LRRC4C: variants seen among roughly 807,000 people sequenced by gnomAD.
LRRC4C encodes the protein leucine-rich repeat-containing protein 4C.
LRRC4C carries 5 observed loss-of-function variants against 33.6 expected under a neutral mutation model. The observed-to-expected ratio is 0.15, with a 90% CI of 0.08 to 0.31. LRRC4C has a LOEUF of 0.31. Ranked by LOEUF, LRRC4C falls within the 10% of genes least tolerant of loss-of-function variation. LRRC4C has a pLI of 1.00. For missense variants in LRRC4C, 560 were observed against 796.7 expected (o/e 0.70, Z 3.58); for synonymous variants, 329 against 302.0 (o/e 1.09, Z -0.93).
chr11:41,023,102 C>A (rs1440223193), intron 1 of LRRC4C, among the ~76,000 whole-genome samples: 3 of 151,822 alleles, frequency 2.0e-5, no homozygotes, highest in Non-Finnish European at 2.9e-5. Flanking sequence ...AATAGAAGGA[C>A]ATAAGAGAAC....
intron 1 of LRRC4C, among the ~76,000 whole-genome samples, chr11:41,254,206 C>T (rs1948729022): frequency 6.6e-6 from 1 of 151,946 alleles, no homozygotes; most frequent in Non-Finnish European, 1.5e-5. Flanking sequence ...GCATGGGAGG[C>T]ATTTTACTTA....
At chr11:41,222,363 C>T (rs1947345858) in intron 1 of LRRC4C, among the ~76,000 whole-genome samples, 1 of 152,148 alleles carries the variant, frequency 6.6e-6, no homozygotes, top group South Asian at 2.1e-4. Flanking sequence ...GACACTTCCT[C>T]TCCCCCAAAG....
chr11:41,444,676 C>T (rs916078980), intron 1 of LRRC4C, among the ~76,000 whole-genome samples: 1 of 151,940 alleles, frequency 6.6e-6, no homozygotes, highest in Non-Finnish European at 1.5e-5. Context: ...AAGTCATTGG[C>T]TACATAATAA....
chr11:40,679,720 C>A (rs1016842962), intron 2 of LRRC4C, among the ~76,000 whole-genome samples: 1 of 152,202 alleles, frequency 6.6e-6, no homozygotes, highest in African/African-American at 2.4e-5. Flanking sequence ...GAACCTCTGA[C>A]TAGATCTCAG....
At chr11:40,373,941 T>A (rs1331576885) in intron 3 of LRRC4C, among the ~76,000 whole-genome samples, 1 of 152,096 alleles carries the variant, frequency 6.6e-6, no homozygotes, top group Non-Finnish European at 1.5e-5. Flanking sequence ...ATATCCAACC[T>A]CAGATATTTC....
intron 2 of LRRC4C, among the ~76,000 whole-genome samples, chr11:40,687,424 C>T (rs1945015319): frequency 6.6e-6 from 1 of 152,022 alleles, no homozygotes; most frequent in Non-Finnish European, 1.5e-5. Flanking sequence ...ATAGATCGAT[C>T]CTCTTTTCAA....
intron 6 of LRRC4C, among the ~76,000 whole-genome samples, chr11:40,134,646 T>G (rs1039953136): frequency 6.6e-6 from 1 of 152,220 alleles, no homozygotes; most frequent in African/African-American, 2.4e-5. Context: ...AATGATGGCC[T>G]GGGTTAGGCT....
At chr11:40,444,105 C>T (rs773678929) in intron 3 of LRRC4C, among the ~76,000 whole-genome samples, 64 of 151,982 alleles carry the variant, frequency 4.2e-4, no homozygotes, top group Non-Finnish European at 7.9e-4. Context: ...TTGAGTGTGC[C>T]GTGCAGTGTT....
At chr11:40,514,403 G>A (rs1365170419) in intron 3 of LRRC4C, among the ~76,000 whole-genome samples, 1 of 152,076 alleles carries the variant, frequency 6.6e-6, no homozygotes, top group East Asian at 1.9e-4. Context: ...ATGGCCTTGA[G>A]CAAGTTATTT....
intron 1 of LRRC4C, among the ~76,000 whole-genome samples, chr11:41,051,077 C>G (rs1456857072): frequency 6.6e-6 from 1 of 151,980 alleles, no homozygotes; most frequent in Non-Finnish European, 1.5e-5. Flanking sequence ...CTATTCATAA[C>G]AAAAAAGATA....
At chr11:40,555,141 GT>G (rs1957284738) in intron 3 of LRRC4C, among the ~76,000 whole-genome samples, 1 of 152,150 alleles carries the variant, frequency 6.6e-6, no homozygotes. Flanking sequence ...AGGTCCAGGA[GT>G]TTTTTGGTGG....
chr11:41,042,539 T>G (rs1443520904), intron 1 of LRRC4C, among the ~76,000 whole-genome samples: 1 of 152,124 alleles, frequency 6.6e-6, no homozygotes, highest in Non-Finnish European at 1.5e-5. Flanking sequence ...AATGCACACT[T>G]CCTTGCCGCA....
intron 5 of LRRC4C, among the ~76,000 whole-genome samples, chr11:40,219,713 C>A (rs1864261937): frequency 6.8e-6 from 1 of 147,924 alleles, no homozygotes; most frequent in South Asian, 2.1e-4. Context: ...CAGTGATTAT[C>A]AGGGGCAGGG....
At chr11:40,718,124 T>C (rs892987947) in intron 2 of LRRC4C, among the ~76,000 whole-genome samples, 4 of 152,196 alleles carry the variant, frequency 2.6e-5, no homozygotes, top group African/African-American at 9.6e-5. Flanking sequence ...GATGCCTATG[T>C]AATCATTTCT....
intron 1 of LRRC4C, among the ~76,000 whole-genome samples, chr11:41,014,661 G>C (rs528078661): frequency 4.6e-5 from 7 of 151,994 alleles, no homozygotes; most frequent in Non-Finnish European, 8.8e-5. Context: ...TAGATGAAGG[G>C]ACTATCCTTG....
intron 3 of LRRC4C, among the ~76,000 whole-genome samples, chr11:40,418,501 C>A (rs1175432207): frequency 1.3e-5 from 2 of 152,198 alleles, no homozygotes; most frequent in Non-Finnish European, 2.9e-5. Flanking sequence ...AACACTTTTA[C>A]ATTGTTGGTG....
intron 1 of LRRC4C, among the ~76,000 whole-genome samples, chr11:41,109,475 C>T (rs752959024): frequency 3.9e-5 from 6 of 152,032 alleles, no homozygotes; most frequent in African/African-American, 1.4e-4. Context: ...AGATATAAAA[C>T]TAGAAGAAAA....
intron 2 of LRRC4C, among the ~76,000 whole-genome samples, chr11:40,755,289 C>A (rs1005240595): frequency 8.6e-5 from 13 of 152,022 alleles, no homozygotes; most frequent in African/African-American, 3.1e-4. Context: ...TACTTATTAA[C>A]TATGGCATAA....
At chr11:40,277,762 G>T (rs1943216498) in intron 4 of LRRC4C, among the ~76,000 whole-genome samples, 1 of 152,038 alleles carries the variant, frequency 6.6e-6, no homozygotes, top group Non-Finnish European at 1.5e-5. Flanking sequence ...TTATTTGCTT[G>T]CGGATTCAAT....
Sources: allele counts gnomAD v4.1 joint callset (sites outside exome capture counted in the v4.1 genomes callset), GRCh38; gene constraint gnomAD v4.1.1; transcripts MANE v1.5; gene names NCBI Gene and HGNC (gene_info 2026-07-23, HGNC 2026-07-21).